Variants in PTER observed in about 807,000 individuals in gnomAD.
PTER encodes the protein N-acetyltaurine hydrolase.
PTER carries 38 observed loss-of-function variants against 29.6 expected under a neutral mutation model. The ratio of observed to expected loss-of-function variants is 1.28; its 90% CI spans 0.99 to 1.68. PTER has a LOEUF of 1.68. Ranked by LOEUF, PTER falls within the 40% of genes most tolerant of loss-of-function variation. The probability of loss-of-function intolerance (pLI) is 0.00; values close to 1 mark genes in which losing one functional copy is unlikely to be tolerated. For synonymous variants in PTER, 172 were observed against 154.5 expected (o/e 1.11, Z -0.84); for missense variants, 482 against 427.8 (o/e 1.13, Z -1.12).
intron 4 of PTER, among the ~76,000 whole-genome samples, chr10:16,510,378 C>A (rs1836764858): frequency 6.6e-6 from 1 of 152,150 alleles, no homozygotes; most frequent in Admixed American, 6.5e-5. Context: ...GGAAAGAAGA[C>A]AGAATATATT....
intron 1 of PTER, among the ~76,000 whole-genome samples, chr10:16,476,719 G>A (rs1835279562): frequency 6.6e-6 from 1 of 150,722 alleles, no homozygotes; most frequent in African/African-American, 2.4e-5. Context: ...CCACAGGAGT[G>A]CCCCACCATG....
chr10:16,499,442 T>G (rs1186056332), intron 3 of PTER, among the ~76,000 whole-genome samples: 1 of 151,876 alleles, frequency 6.6e-6, no homozygotes, highest in East Asian at 1.9e-4. Context: ...ATTTATTTAT[T>G]TATTTATATT....
intron 1 of PTER, among the ~76,000 whole-genome samples, chr10:16,452,215 A>ACACACACC (rs1251077586): frequency 2.0e-5 from 3 of 151,232 alleles, no homozygotes; most frequent in African/African-American, 7.3e-5. Flanking sequence ...ACACACACAC[A>ACACACACC]CACACATATA....
At chr10:16,456,859 A>AG (rs775837340) in intron 1 of PTER, among the ~76,000 whole-genome samples, 2 of 56,156 alleles carry the variant, frequency 3.6e-5, no homozygotes, top group African/African-American at 2.2e-4. Flanking sequence ...ACCATGGGGA[A>AG]GGTGGGGGGG....
At chr10:16,458,678 G>A (rs1179740601) in intron 1 of PTER, among the ~76,000 whole-genome samples, 3 of 152,206 alleles carry the variant, frequency 2.0e-5, no homozygotes, top group South Asian at 4.1e-4. Flanking sequence ...AAGCTTAGAA[G>A]TATCTAGAAA....
rs1253736893 is a variant in PTER, at chr10:16,465,462, C to T, written c.-48-18875C>T. The stretch of plus-strand genomic sequence containing the variant: ...TTCCTATGCCCTGAGAACTTAAGAC[C>T]GAAGTTGCCCCCTCAGATCTGTAAA... On this transcript the variant is annotated intron_variant, in intron 1 of 4. Coordinates refer to ENST00000535784, the MANE Select transcript of PTER (RefSeq NM_001261836.2). 3.9e-5 allele frequency among the ~76,000 whole-genome samples: 6 copies of T among 152,216 alleles called. No homozygotes were observed. In the South Asian group the frequency reaches 6.2e-4, roughly 16 times the overall value.
chr10:16,440,226 C>G (rs1833798938), intron 1 of PTER, among the ~76,000 whole-genome samples: 1 of 151,878 alleles, frequency 6.6e-6, no homozygotes, highest in Non-Finnish European at 1.5e-5. Context: ...CCACCACGCC[C>G]AGCTAATTTT....
At chr10:16,451,263 C>T (rs1305905605) in intron 1 of PTER, among the ~76,000 whole-genome samples, 2 of 152,180 alleles carry the variant, frequency 1.3e-5, no homozygotes, top group Admixed American at 1.3e-4. Context: ...GGTGCCCACC[C>T]AGAATGAAGG....
chr10:16,461,837 C>T (rs535386083), intron 1 of PTER, among the ~76,000 whole-genome samples: 3 of 152,196 alleles, frequency 2.0e-5, no homozygotes, highest in African/African-American at 7.2e-5. Context: ...ATATATTGCC[C>T]TAGGGTTTCA....
intron 1 of PTER, among the ~76,000 whole-genome samples, chr10:16,446,915 A>G (rs1834034138): frequency 6.6e-6 from 1 of 151,970 alleles, no homozygotes; most frequent in East Asian, 1.9e-4. Context: ...CAGCCTCCCA[A>G]GGAGCTGGGA....
At chr10:16,487,492 A>C (rs113958331) in intron 3 of PTER, among the ~76,000 whole-genome samples, 1 of 152,142 alleles carries the variant, frequency 6.6e-6, no homozygotes, top group Non-Finnish European at 1.5e-5. Flanking sequence ...AATCCAGAAT[A>C]ATCTCATCTC....
At chr10:16,479,311 A>G (rs1835392582) in intron 1 of PTER, among the ~76,000 whole-genome samples, 1 of 152,128 alleles carries the variant, frequency 6.6e-6, no homozygotes, top group Admixed American at 6.6e-5. Flanking sequence ...TTATAAATGC[A>G]CATGCAGTAG....
intron 1 of PTER, among the ~76,000 whole-genome samples, chr10:16,447,792 T>C (rs1046157502): frequency 6.6e-6 from 1 of 152,200 alleles, no homozygotes; most frequent in Non-Finnish European, 1.5e-5. Context: ...CCTAGTCTTC[T>C]CTTCCTCTGT....
At chr10:16,454,465 A>G (rs1412807059) in intron 1 of PTER, among the ~76,000 whole-genome samples, 1 of 151,996 alleles carries the variant, frequency 6.6e-6, no homozygotes, top group Non-Finnish European at 1.5e-5. Flanking sequence ...AATCCCAGAT[A>G]CTTAGGAGGC....
At chr10:16,479,466 G>A (rs74837158) in intron 1 of PTER, among the ~76,000 whole-genome samples, 1,870 of 151,862 alleles carry the variant, frequency 0.012, 27 homozygotes, top group African/African-American at 0.043. Context: ...ATGCACAATG[G>A]AAGTATTCAA....
At chr10:16,504,477 A>G (rs1266153036) in intron 3 of PTER, among the ~76,000 whole-genome samples, 1 of 152,190 alleles carries the variant, frequency 6.6e-6, no homozygotes, top group East Asian at 1.9e-4. Flanking sequence ...AAATGTGGGA[A>G]TGATATTCTT....
chr10:16,476,416 G>C (rs1472205777), intron 1 of PTER, among the ~76,000 whole-genome samples: 2 of 151,954 alleles, frequency 1.3e-5, no homozygotes, highest in African/African-American at 4.8e-5. Context: ...TTTAGGTATC[G>C]TTTTACTTGC....
rs1344159579 is a variant in PTER at position 16,513,229 on chromosome 10, G to A, written c.*1973G>A. On this transcript the variant is annotated 3_prime_UTR_variant, in exon 5 of 5. Coordinates refer to ENST00000535784, the MANE Select transcript of PTER (RefSeq NM_001261836.2). ...TTTTCTGGATAACTCTTAAAGAGAA[G>A]TCATTTTAACTGTTTTTGCTACTCC... 6.6e-6 allele frequency: 1 copy of A among 152,388 alleles called. No individual in the cohort carries two copies. Among genetic ancestry groups the A allele is most frequent in the African/African-American group, 2.4e-5 (1 of 41,424 alleles). 9.4% of individuals were successfully genotyped at this position (152,388 alleles called of 1,614,324 possible).
At chr10:16,486,132 C>T (rs1835685290) in intron 2 of PTER, among the ~76,000 whole-genome samples, 4 of 152,132 alleles carry the variant, frequency 2.6e-5, no homozygotes. Flanking sequence ...GTTAAATAAT[C>T]ATGGTATGAT....
Sources: gnomAD v4.1 joint callset for allele counts (sites outside exome capture counted in the v4.1 genomes callset) on GRCh38, gnomAD v4.1.1 for gene constraint, MANE v1.5 for transcripts, NCBI Gene and HGNC (gene_info 2026-07-23, HGNC 2026-07-21) for gene names.